The following ABTB2 variants were observed in gnomAD, a reference collection of about 807,000 sequenced individuals.
The protein encoded by ABTB2 is ankyrin repeat and BTB/POZ domain-containing protein 2.
ABTB2 carries 56 observed loss-of-function variants against 104.1 expected under a neutral mutation model. The ratio of observed to expected loss-of-function variants is 0.54; its 90% CI spans 0.43 to 0.67. The LOEUF is 0.67. Among genes scored for constraint, ABTB2 ranks in the 30% least tolerant of loss-of-function variants. ABTB2 has a pLI of 0.00. For synonymous variants in ABTB2, 606 were observed against 608.2 expected, an observed-to-expected ratio of 1.00 and a Z score of 0.05; for missense variants, 1,279 against 1,407.7, an observed-to-expected ratio of 0.91 and a Z score of 1.46.
At position 34,195,075 on chromosome 11, in the gene ABTB2, C is replaced by CGGGG. The variant is rs1461939590; in HGVS notation, c.1244+2246_1244+2249dup. On this transcript the variant is annotated intron_variant, in intron 3 of 16. Coordinates refer to ENST00000435224, the MANE Select transcript of ABTB2 (RefSeq NM_145804.3). ...CACAGGACATGACAAAGATGCCCGG[C>CGGGG]GGGGGGGGGGAGTGGGGGCGGGAGA... is the stretch of plus-strand genomic sequence containing the variant. Among the ~76,000 whole-genome samples the CGGGG allele has an allele frequency of 4.3e-3, 77 of 17,980 alleles. 1 individual carries two copies. The highest frequency in any genetic ancestry group is 6.6e-3 in the Admixed American group (10 of 1,520). 11.8% of individuals were successfully genotyped at this position (17,980 alleles called of 152,430 possible). A position where few individuals can be genotyped will look rare whatever the true frequency, so the allele number is the denominator to read the frequency against.
At chr11:34,164,921 T>C in intron 8 of ABTB2, 100 bp from the exon 9 acceptor site, 2 of 1,413,872 alleles carry the variant, frequency 1.4e-6, no homozygotes, top group Non-Finnish European at 1.9e-6. Context: ...CAGCTCTGAG[T>C]GCTGGAATAA....
intron 1 of ABTB2, among the ~76,000 whole-genome samples, chr11:34,326,700 A>T (rs929221980): frequency 6.6e-6 from 1 of 152,162 alleles, no homozygotes; most frequent in Non-Finnish European, 1.5e-5. Context: ...AAACAGAACA[A>T]ACAGAAACAA....
intron 1 of ABTB2, among the ~76,000 whole-genome samples, chr11:34,273,720 T>C (rs1185167550): frequency 6.6e-6 from 1 of 152,032 alleles, no homozygotes. Context: ...TTGCATCCCT[T>C]TATGCACTAG....
intron 1 of ABTB2, among the ~76,000 whole-genome samples, chr11:34,229,349 C>T (rs528098792): frequency 2.6e-4 from 39 of 151,162 alleles, no homozygotes; most frequent in Admixed American, 6.6e-4. Context: ...GGTGTGGTGG[C>T]GGGCGCCTGT....
chr11:34,224,273 G>A (rs1490670588), intron 1 of ABTB2, among the ~76,000 whole-genome samples: 1 of 152,074 alleles, frequency 6.6e-6, no homozygotes, highest in African/African-American at 2.4e-5. Flanking sequence ...GCCTCCCAAA[G>A]TGCTGGGATT....
chr11:34,253,865 G>A (rs914496743), intron 1 of ABTB2, among the ~76,000 whole-genome samples: 2 of 152,068 alleles, frequency 1.3e-5, no homozygotes, highest in East Asian at 3.9e-4. Context: ...GCAGGGCACT[G>A]AAGAGAAAAC....
At position 34,357,644 on chromosome 11, in the gene ABTB2, TC is replaced by T. The variant is rs1045450800; in HGVS notation, c.-62del. On this transcript the variant is annotated 5_prime_UTR_variant, in exon 1 of 17. Coordinates refer to ENST00000435224, the MANE Select transcript of ABTB2 (RefSeq NM_145804.3). ...GGCACTCACAACTCCATGCCCTCTT[TC>T]CCAAGTGGGCAGAAACAAGCTCTAG... 2.1e-6 allele frequency: 3 copies of T among 1,425,954 alleles called. No homozygotes were observed. In the African/African-American group the frequency reaches 4.4e-5, roughly 21 times the overall value. The allele number at this position is 1,425,954 out of a possible 1,614,324, so 88.3% of individuals were successfully genotyped here.
intron 1 of ABTB2, among the ~76,000 whole-genome samples, chr11:34,297,876 G>A (rs780416442): frequency 4.6e-5 from 7 of 151,694 alleles, no homozygotes; most frequent in East Asian, 3.9e-4. Flanking sequence ...AGGTGATTAC[G>A]CCATGAAAGC....
chr11:34,275,598 G>A (rs1854373869), intron 1 of ABTB2, among the ~76,000 whole-genome samples: 1 of 151,956 alleles, frequency 6.6e-6, no homozygotes, highest in African/African-American at 2.4e-5. Flanking sequence ...CGGTTTTTAT[G>A]AGCACCCTAA....
Position 34,243,606 on chromosome 11 carries a change from C to T in ABTB2, c.884-38916G>A, listed in dbSNP as rs77589904. Among the ~76,000 whole-genome samples the T allele has an allele frequency of 2.7e-3, 410 of 152,312 alleles. 3 individuals are homozygous for T. Among genetic ancestry groups the T allele is most frequent in the African/African-American group, 8.4e-3 (348 of 41,566 alleles). On this transcript the variant is annotated intron_variant, in intron 1 of 16. Coordinates refer to ENST00000435224, the MANE Select transcript of ABTB2 (RefSeq NM_145804.3). The stretch of plus-strand genomic sequence containing the variant: ...CTAGAAAATATGTCCTAGTCTTACG[C>T]GATTTTACAGATTTATTATCTATCT...
Position 34,161,078 on chromosome 11 carries a change from A to AC in ABTB2, c.2221dup (p.Val741GlyfsTer102). 6.2e-7 allele frequency: 1 copy of AC among 1,601,574 alleles called. No homozygotes were observed. Among genetic ancestry groups the AC allele is most frequent in the Non-Finnish European group, 8.5e-7 (1 of 1,173,438 alleles). ...GATCCAGATGTGCAGCTTCCAGGGGACTCCTGGTCCAGGCAGGGAAGGGCA... is the reference window on the plus strand; with the variant it reads ...GATCCAGATGTGCAGCTTCCAGGGGACCTCCTGGTCCAGGCAGGGAAGGGCA... On this transcript the variant is annotated frameshift_variant, in exon 11 of 17. Transcript: ENST00000435224. LOFTEE classifies it high-confidence loss of function.
intron 16 of ABTB2, 26 bp from the exon 17 acceptor site, chr11:34,152,610 AAGCCCATCGCCTTAGTAC>A: frequency 6.2e-7 from 1 of 1,603,312 alleles, no homozygotes; most frequent in Non-Finnish European, 8.5e-7. Context: ...AGGAGGGGTG[AAGCCCATCGCCTTAGTAC>A]AGCCCCACTC....
At chr11:34,219,029 T>C (rs1853582896) in intron 1 of ABTB2, among the ~76,000 whole-genome samples, 1 of 126,882 alleles carries the variant, frequency 7.9e-6, no homozygotes, top group Non-Finnish European at 1.7e-5. Flanking sequence ...AAATATTCAT[T>C]ACACGCCTAC....
At chr11:34,218,431 T>C (rs888174312) in intron 1 of ABTB2, among the ~76,000 whole-genome samples, 5 of 152,214 alleles carry the variant, frequency 3.3e-5, no homozygotes, top group African/African-American at 1.2e-4. Context: ...TTTATAGTTT[T>C]GTGTTTTACA....
intron 1 of ABTB2, among the ~76,000 whole-genome samples, chr11:34,284,648 A>G (rs1056428304): frequency 2.6e-5 from 4 of 152,264 alleles, no homozygotes; most frequent in Non-Finnish European, 4.4e-5. Flanking sequence ...AACAAGAAGC[A>G]GGGGATGGGT....
chr11:34,315,072 G>A (rs16925421), intron 1 of ABTB2, among the ~76,000 whole-genome samples: 3,966 of 152,264 alleles, frequency 0.026, 178 homozygotes, highest in African/African-American at 0.091. Flanking sequence ...CGCCAGAAGG[G>A]CTCAAAATTC....
At chr11:34,305,085 C>T (rs150051730) in intron 1 of ABTB2, among the ~76,000 whole-genome samples, 1 of 152,192 alleles carries the variant, frequency 6.6e-6, no homozygotes, top group Middle Eastern at 3.2e-3. Flanking sequence ...AAGCAGCTTC[C>T]ACATCAGGGC....
At chr11:34,156,392 C>G (rs1298371566) in intron 14 of ABTB2, among the ~76,000 whole-genome samples, 1 of 152,144 alleles carries the variant, frequency 6.6e-6, no homozygotes, top group Non-Finnish European at 1.5e-5. Flanking sequence ...TGAGGAAAGG[C>G]CCCAGACAGG....
At chr11:34,254,191 T>C (rs1854091470) in intron 1 of ABTB2, among the ~76,000 whole-genome samples, 1 of 152,182 alleles carries the variant, frequency 6.6e-6, no homozygotes, top group Admixed American at 6.5e-5. Flanking sequence ...CAGAATCTCT[T>C]CCATGACTGT....
Sources: allele counts gnomAD v4.1 joint callset (sites outside exome capture counted in the v4.1 genomes callset), GRCh38; gene constraint gnomAD v4.1.1; transcripts MANE v1.5; gene names NCBI Gene and HGNC (gene_info 2026-07-23, HGNC 2026-07-21).